Variants in GLI3 observed in about 807,000 individuals in gnomAD.
GLI3 encodes GLI family zinc finger 3, also known as transcription activator GLI3.
Under a neutral mutation model 100.8 loss-of-function variants are expected in GLI3, and 20 were observed. That is an observed-to-expected ratio of 0.20 (90% CI 0.14 to 0.29). The LOEUF (loss-of-function observed/expected upper bound fraction) is 0.29, where lower values mean the gene tolerates loss of function less well. Ranked by LOEUF, GLI3 falls within the 10% of genes least tolerant of loss-of-function variation. GLI3 has a pLI of 1.00. For missense variants in GLI3, 2,040 were observed against 2,128.5 expected, an observed-to-expected ratio of 0.96 and a Z score of 0.82; for synonymous variants, 938 against 860.5, an observed-to-expected ratio of 1.09 and a Z score of -1.58.
intron 4 of GLI3, among the ~76,000 whole-genome samples, chr7:42,059,650 A>G (rs1784528842): frequency 6.6e-6 from 1 of 152,170 alleles, no homozygotes; most frequent in African/African-American, 2.4e-5. Context: ...TTCTTTTCCT[A>G]CCACCTAGGT....
chr7:41,965,672 A>G lies in GLI3; in HGVS notation c.3401T>C (p.Leu1134Pro). 1.2e-6 allele frequency: 2 copies of G among 1,612,910 alleles called. No individual in the cohort carries two copies. Among genetic ancestry groups the G allele is most frequent in the Non-Finnish European group, 1.7e-6 (2 of 1,179,258 alleles). The change falls in exon 15 of 15, where the codon CTG (leucine) becomes CCG (proline). Residue 1134 changes from leucine (L) to proline (P), a missense_variant. Around this residue, in one of 5 missense-constraint regions of GLI3, gnomAD observed 1,041 missense variants for 924.0 expected, o/e 1.13. Coordinates refer to ENST00000395925, the MANE Select transcript of GLI3 (RefSeq NM_000168.6). ...HGPGDFDAPGLPDSHAGQQFH... is the reference protein window; with the variant it reads ...HGPGDFDAPGPPDSHAGQQFH... The stretch of plus-strand genomic sequence containing the variant: ...CTGCTGGCCAGCGTGGCTGTCTGGC[A>G]GCCCGGGCGCGTCAAAGTCACCGGG...
intron 2 of GLI3, among the ~76,000 whole-genome samples, chr7:42,154,387 T>C (rs1417189266): frequency 6.6e-6 from 1 of 152,130 alleles, no homozygotes; most frequent in East Asian, 1.9e-4. Flanking sequence ...TTAATGTGTC[T>C]CCAGAAGCTT....
intron 1 of GLI3, among the ~76,000 whole-genome samples, chr7:42,263,088 G>A (rs1010062053): frequency 5.3e-5 from 8 of 152,140 alleles, no homozygotes; most frequent in East Asian, 1.9e-4. Flanking sequence ...ACGTGCCATC[G>A]CCATGGTGAC....
intron 10 of GLI3, among the ~76,000 whole-genome samples, chr7:42,012,377 T>TC (rs1298325826): frequency 6.6e-6 from 1 of 151,858 alleles, no homozygotes; most frequent in Non-Finnish European, 1.5e-5. Context: ...CTTGCTCCTC[T>TC]CCCCCCTCCC....
At position 42,045,430 on chromosome 7, in the gene GLI3, G is replaced by C. The variant is rs370612767; in HGVS notation, c.780C>G (p.Thr260=). ...PYADIIPSAA[T]AGTGAIHMEY... ...CCATGTGGATGGCCCCCGTGCCGGC[G>C]GTGGCAGCTGAGGGAATAATGTCTG... Residue 260 remains threonine (T), a synonymous_variant, in exon 6 of 15, where the codon ACC becomes ACG. Transcript: ENST00000395925. 1.2e-6 allele frequency: 2 copies of C among 1,613,970 alleles called. No individual in the cohort carries two copies. Among genetic ancestry groups the C allele is most frequent in the South Asian group, 1.1e-5 (1 of 91,082 alleles).
intron 3 of GLI3, among the ~76,000 whole-genome samples, chr7:42,086,842 G>A (rs1475779266): frequency 6.6e-6 from 1 of 152,076 alleles, no homozygotes; most frequent in Non-Finnish European, 1.5e-5. Context: ...GCCCTCTGAC[G>A]GCCCTGTGCT....
chr7:42,260,725 G>A (rs1789129364), intron 1 of GLI3, among the ~76,000 whole-genome samples: 1 of 152,188 alleles, frequency 6.6e-6, no homozygotes, highest in African/African-American at 2.4e-5. Flanking sequence ...GAAAGGTGAT[G>A]TTGGCTTGCA....
Position 41,967,722 on chromosome 7 carries a change from G to A in GLI3, c.2305C>T (p.Pro769Ser), listed in dbSNP as rs1325519136. ...TALALQARRN[P>S]AGTKWMEHVK... ...TGCTCCATCCATTTGGTCCCTGCCG[G>A]GTTTCTCCTGGCTTGCAAAGCAAGG... Residue 769 changes from proline to serine, a missense_variant, in exon 14 of 15, where the codon CCG becomes TCG. By Grantham distance (74) the Pro-to-Ser change is moderately conservative. Transcript: ENST00000395925. The A allele has an allele frequency of 5.0e-6, 8 of 1,614,170 alleles. No homozygotes were observed. The highest frequency in any genetic ancestry group is 6.8e-6 in the Non-Finnish European group (8 of 1,180,036).
At chr7:42,078,161 G>A (rs966831063) in intron 3 of GLI3, among the ~76,000 whole-genome samples, 29 of 152,274 alleles carry the variant, frequency 1.9e-4, no homozygotes, top group African/African-American at 6.0e-4. Context: ...CCCCGAGGTC[G>A]GCAACACCGC....
chr7:42,226,626 G>C (rs1200084257), intron 1 of GLI3, among the ~76,000 whole-genome samples: 1 of 152,078 alleles, frequency 6.6e-6, no homozygotes, highest in African/African-American at 2.4e-5. Context: ...CTTATTTTTG[G>C]ATCTCATTAG....
At chr7:41,971,654 C>T (rs1787366795) in intron 13 of GLI3, among the ~76,000 whole-genome samples, 1 of 152,158 alleles carries the variant, frequency 6.6e-6, no homozygotes, top group Non-Finnish European at 1.5e-5. Context: ...AAGTGGTCTC[C>T]AGTTTACCCA....
chr7:42,163,848 A>G (rs1194191088), intron 2 of GLI3, among the ~76,000 whole-genome samples: 2 of 152,092 alleles, frequency 1.3e-5, no homozygotes, highest in Admixed American at 6.5e-5. Flanking sequence ...GTTTTCCACA[A>G]TGTTTCTAAG....
chr7:41,976,338 A>G (rs916219784), intron 12 of GLI3, among the ~76,000 whole-genome samples: 4 of 152,204 alleles, frequency 2.6e-5, no homozygotes, highest in African/African-American at 7.2e-5. Flanking sequence ...TCACACAGAA[A>G]GTTGGTATAT....
chr7:42,165,437 C>A (rs951186282), intron 2 of GLI3, among the ~76,000 whole-genome samples: 1 of 152,032 alleles, frequency 6.6e-6, no homozygotes, highest in Non-Finnish European at 1.5e-5. Context: ...TTTAAAATAC[C>A]CCCTTAGAAA....
intron 2 of GLI3, among the ~76,000 whole-genome samples, chr7:42,174,106 ACT>A (rs1787431997): frequency 6.6e-6 from 1 of 152,128 alleles, no homozygotes; most frequent in African/African-American, 2.4e-5. Context: ...AGGATAAAAG[ACT>A]CTCAAATATG....
rs1345922231 is a variant in GLI3, at chr7:41,978,665, G to A, written c.1581C>T (p.Phe527=). The A allele has an allele frequency of 1.2e-6, 2 of 1,614,022 alleles. No homozygotes were observed. Among genetic ancestry groups the A allele is most frequent in the East Asian group, 2.2e-5 (1 of 44,872 alleles). ...GCACTACCAACATATACTGGGCTTT[G>A]AAGGGTTTCTGCTCTCTTGAGCAGT... ...WLDCSREQKP[F]KAQYMLVVHM... The change falls in exon 11 of 15, where the codon TTC becomes TTT. Residue 527 remains phenylalanine (F), a synonymous_variant. Transcript: ENST00000395925.
At chr7:42,261,808 G>C (rs1332802046) in intron 1 of GLI3, among the ~76,000 whole-genome samples, 1 of 152,028 alleles carries the variant, frequency 6.6e-6, no homozygotes, top group Non-Finnish European at 1.5e-5. Context: ...TGAAAAGTGA[G>C]TTGAAGTCTG....
chr7:42,262,951 C>CT (rs11299942), intron 1 of GLI3, among the ~76,000 whole-genome samples: 236 of 147,534 alleles, frequency 1.6e-3, no homozygotes, highest in Middle Eastern at 3.5e-3. Flanking sequence ...AATATCTGCA[C>CT]TTTTTTTTTT....
intron 1 of GLI3, among the ~76,000 whole-genome samples, chr7:42,233,523 C>T (rs535567069): frequency 1.1e-4 from 16 of 152,272 alleles, no homozygotes; most frequent in South Asian, 6.2e-4. Flanking sequence ...CGTTACTGCT[C>T]AAGTTATATA....
Sources: allele counts gnomAD v4.1 joint callset (sites outside exome capture counted in the v4.1 genomes callset), GRCh38; gene constraint gnomAD v4.1.1; regional missense constraint gnomAD v4.1.1; transcripts MANE v1.5; gene names NCBI Gene and HGNC (gene_info 2026-07-23, HGNC 2026-07-21).